Variants in NLGN1 observed in about 807,000 individuals in gnomAD.
The protein encoded by NLGN1 is neuroligin 1.
A neutral mutation model predicts 65.5 loss-of-function variants in NLGN1; 12 were observed. The observed-to-expected ratio is 0.18, with a 90% CI of 0.12 to 0.30. The LOEUF (loss-of-function observed/expected upper bound fraction) is 0.30. NLGN1 is among the 10% of genes least tolerant of loss of function. The pLI is 1.00. For missense variants in NLGN1, 750 were observed against 1,007.1 expected, an observed-to-expected ratio of 0.74 and a Z score of 3.46; for synonymous variants, 350 against 359.5, an observed-to-expected ratio of 0.97 and a Z score of 0.30.
intron 4 of NLGN1, among the ~76,000 whole-genome samples, chr3:173,843,769 C>G (rs1199040548): frequency 2.6e-5 from 4 of 152,180 alleles, no homozygotes; most frequent in Non-Finnish European, 5.9e-5. Flanking sequence ...AACTTTTGCA[C>G]ATTTTCCTGT....
intron 4 of NLGN1, among the ~76,000 whole-genome samples, chr3:173,845,316 A>G (rs1403579501): frequency 1.3e-5 from 2 of 152,140 alleles, no homozygotes; most frequent in African/African-American, 4.8e-5. Context: ...GTCTTATTGG[A>G]CCATCAATAT....
chr3:174,278,780 A>G, intron 5 of NLGN1, 81 bp from the exon 6 acceptor site: 1 of 1,132,450 alleles, frequency 8.8e-7, no homozygotes, highest in South Asian at 2.1e-5. Context: ...TTTTATATAC[A>G]TGTCTAAAAT....
intron 3 of NLGN1, among the ~76,000 whole-genome samples, chr3:173,781,464 T>C (rs1283359628): frequency 6.6e-6 from 1 of 152,216 alleles, no homozygotes; most frequent in Non-Finnish European, 1.5e-5. Flanking sequence ...ATTTGTTCAC[T>C]GTTATGGATT....
intron 1 of NLGN1, among the ~76,000 whole-genome samples, chr3:173,411,706 C>A (rs1214745170): frequency 6.6e-6 from 1 of 152,124 alleles, no homozygotes; most frequent in Non-Finnish European, 1.5e-5. Flanking sequence ...GCCCTCCAAA[C>A]CCCCTCATCT....
intron 4 of NLGN1, among the ~76,000 whole-genome samples, chr3:174,269,159 T>A (rs1748859243): frequency 6.6e-6 from 1 of 151,862 alleles, no homozygotes; most frequent in Admixed American, 6.6e-5. Flanking sequence ...TTTGGAGAAT[T>A]TTTTTATTAT....
At chr3:173,530,392 G>A (rs1481071380) in intron 2 of NLGN1, among the ~76,000 whole-genome samples, 2 of 137,418 alleles carry the variant, frequency 1.5e-5, no homozygotes, top group Non-Finnish European at 3.2e-5. Context: ...ATGTGTTGTC[G>A]TCCTGGAAGA....
At chr3:174,274,479 T>TGTCA (rs1158039612) in intron 4 of NLGN1, among the ~76,000 whole-genome samples, 6 of 151,742 alleles carry the variant, frequency 4.0e-5, no homozygotes, top group Non-Finnish European at 7.4e-5. Flanking sequence ...TTTGCCATTC[T>TGTCA]GTCAGTTCAG....
intron 2 of NLGN1, among the ~76,000 whole-genome samples, chr3:173,480,136 A>T (rs1005217520): frequency 6.6e-6 from 1 of 151,790 alleles, no homozygotes; most frequent in African/African-American, 2.4e-5. Context: ...TTTAGGCAAC[A>T]TCTCTTCTCT....
chr3:173,454,890 A>T (rs922395523), intron 2 of NLGN1, among the ~76,000 whole-genome samples: 1 of 151,918 alleles, frequency 6.6e-6, no homozygotes, highest in Non-Finnish European at 1.5e-5. Flanking sequence ...GAGATGTGTG[A>T]CTCTTCTTTC....
intron 4 of NLGN1, among the ~76,000 whole-genome samples, chr3:174,170,166 C>G (rs1728251458): frequency 6.6e-6 from 1 of 151,700 alleles, no homozygotes; most frequent in Admixed American, 6.6e-5. Flanking sequence ...TATGTACTAT[C>G]TTGCTGTTGC....
chr3:173,768,795 A>T (rs912287801), intron 3 of NLGN1, among the ~76,000 whole-genome samples: 1 of 152,164 alleles, frequency 6.6e-6, no homozygotes, highest in African/African-American at 2.4e-5. Flanking sequence ...TTGCTGAGAC[A>T]GGGTCTTGCT....
intron 2 of NLGN1, among the ~76,000 whole-genome samples, chr3:173,437,190 AT>A (rs1175473778): frequency 6.6e-6 from 1 of 152,252 alleles, no homozygotes; most frequent in Non-Finnish European, 1.5e-5. Context: ...TATACTTGGA[AT>A]AATTTGACTG....
chr3:173,502,929 A>G (rs994134224), intron 2 of NLGN1, among the ~76,000 whole-genome samples: 1 of 152,142 alleles, frequency 6.6e-6, no homozygotes, highest in Non-Finnish European at 1.5e-5. Context: ...CTGTAGTTAC[A>G]TAAACTAAAG....
chr3:173,834,020 G>A (rs540649744), intron 4 of NLGN1, among the ~76,000 whole-genome samples: 2 of 151,728 alleles, frequency 1.3e-5, no homozygotes, highest in Non-Finnish European at 2.9e-5. Flanking sequence ...ATTTATTTTA[G>A]TATGTAGAAA....
intron 2 of NLGN1, among the ~76,000 whole-genome samples, chr3:173,577,788 GAC>G (rs1420314160): frequency 2.9e-4 from 44 of 152,184 alleles, no homozygotes; most frequent in Middle Eastern, 3.4e-3. Flanking sequence ...AAAAACTTGT[GAC>G]ATATTTTCTC....
intron 4 of NLGN1, among the ~76,000 whole-genome samples, chr3:174,161,173 C>T (rs771943092): frequency 6.6e-6 from 1 of 150,882 alleles, no homozygotes; most frequent in African/African-American, 2.4e-5. Flanking sequence ...GTGAAATCAG[C>T]TCCAAATCTG....
At chr3:173,633,956 T>C (rs1024426228) in intron 3 of NLGN1, among the ~76,000 whole-genome samples, 12 of 152,164 alleles carry the variant, frequency 7.9e-5, no homozygotes, top group Non-Finnish European at 1.5e-4. Context: ...CATTGTTCTG[T>C]TGCCCATTTT....
rs147021537 is a variant in NLGN1, at chr3:173,641,091, T to C, written c.493+36000T>C. ...GTACCTCTTCTGTTTCCTAGTATTCTTGATAATCCTTGAGTGACTAAATCA... is the reference window on the plus strand; with the variant it reads ...GTACCTCTTCTGTTTCCTAGTATTCCTGATAATCCTTGAGTGACTAAATCA... On this transcript the variant is annotated intron_variant, in intron 3 of 6. Coordinates refer to ENST00000457714, the Ensembl canonical transcript of NLGN1. Among the ~76,000 whole-genome samples the C allele has an allele frequency of 1.3e-3, 196 of 152,318 alleles. 2 individuals carry two copies. The East Asian group carries it at 0.034, about 27-fold the overall frequency.
At position 173,843,804 on chromosome 3, in the gene NLGN1, T is replaced by C. The variant is rs571272982; in HGVS notation, c.646+35972T>C. Among the ~76,000 whole-genome samples the C allele has an allele frequency of 2.6e-5, 4 of 152,276 alleles. No homozygotes were observed. The East Asian group carries it at 7.7e-4, about 29-fold the overall frequency. The stretch of plus-strand genomic sequence containing the variant: ...TCTTCTTCTGAGCTCTCCAAACTGT[T>C]CCAACCTCTGCCTATTACCCAATTC... On this transcript the variant is annotated intron_variant, in intron 4 of 6. Transcript: ENST00000457714.
Sources: allele counts gnomAD v4.1 joint callset (sites outside exome capture counted in the v4.1 genomes callset), GRCh38; gene constraint gnomAD v4.1.1; transcripts MANE v1.5; gene names NCBI Gene and HGNC (gene_info 2026-07-23, HGNC 2026-07-21).